UGT2B4: variants seen among roughly 807,000 people sequenced by gnomAD.
UGT2B4 encodes the protein UDP glucuronosyltransferase family 2 member B4, also known as UDP-glucuronosyltransferase 2B4.
In UGT2B4, 49 loss-of-function variants were observed where a neutral mutation model predicts 49.8. That is an observed-to-expected ratio of 0.98 (90% CI 0.78 to 1.25). The LOEUF (loss-of-function observed/expected upper bound fraction) is 1.25, where lower values mean the gene tolerates loss of function less well. UGT2B4 is among the 50% of genes most tolerant of loss of function. UGT2B4 has a pLI of 0.00. For synonymous variants in UGT2B4, 246 were observed against 217.7 expected (o/e 1.13, Z -1.14); for missense variants, 729 against 627.7 (o/e 1.16, Z -1.73).
intron 1 of UGT2B4, 28 bp from the exon 2 acceptor site, chr4:69,493,869 A>G: frequency 6.4e-7 from 1 of 1,570,440 alleles, no homozygotes. Context: ...AAGAAAAGAT[A>G]GATGACACAA....
In UGT2B4 at chr4:69,493,860, A is replaced by G; in HGVS notation, c.722-19T>C. 1 of 1,583,416 alleles carries G rather than the reference A, an allele frequency of 6.3e-7. No individual in the cohort carries two copies. The highest frequency in any genetic ancestry group is 8.5e-7 in the Non-Finnish European group (1 of 1,170,522). ...GGTCTTCCTGATGGGGGAAAAAAAA[A>G]GAAAAGATAGATGACACAAGATAAT... On this transcript the variant is annotated intron_variant, in intron 1 of 5. Coordinates refer to ENST00000305107, the MANE Select transcript of UGT2B4 (RefSeq NM_021139.3).
At chr4:69,496,397 A>G (rs564799937), upstream of UGT2B4, among the ~76,000 whole-genome samples, 3 of 152,302 alleles carry the variant, frequency 2.0e-5, no homozygotes, top group South Asian at 4.1e-4. Context: ...CTCATGTAAT[A>G]TATTTCAGAA....
chr4:69,483,765 C>A (rs1447428066), intron 5 of UGT2B4, among the ~76,000 whole-genome samples: 3 of 151,948 alleles, frequency 2.0e-5, no homozygotes, highest in Admixed American at 2.0e-4. Flanking sequence ...TTGCGCATTG[C>A]TTTCTTTGGA....
At chr4:69,497,005 T>C (rs748521997), upstream of UGT2B4, among the ~76,000 whole-genome samples, 4 of 152,072 alleles carry the variant, frequency 2.6e-5, no homozygotes, top group Non-Finnish European at 5.9e-5. Flanking sequence ...AATTATTACA[T>C]TAGCTTGCTC....
chr4:69,514,088 A>G (rs1728673021), intron 1 of UGT2B4, among the ~76,000 whole-genome samples: 1 of 151,928 alleles, frequency 6.6e-6, no homozygotes, highest in South Asian at 2.1e-4. Flanking sequence ...AAAATTTTGC[A>G]TATGCTTTTT....
Position 69,505,933 on chromosome 4 carries a change from T to C in UGT2B4, c.-105-9967A>G, listed in dbSNP as rs1176882533. Among the ~76,000 whole-genome samples the C allele has an allele frequency of 3.3e-5, 5 of 151,930 alleles. No homozygotes were observed. In the East Asian group the frequency reaches 9.6e-4, roughly 29 times the overall value. On this transcript the variant is annotated intron_variant, in intron 1 of 1. Coordinates refer to the UGT2B4 transcript ENST00000510114. ...ATTTACTCAAAACCATACAATTACA[T>C]TGAACGACTTTTGGGCAAATAATGA...
upstream of UGT2B4, among the ~76,000 whole-genome samples, chr4:69,498,822 G>C (rs1374047988): frequency 6.6e-6 from 1 of 151,822 alleles, no homozygotes; most frequent in Non-Finnish European, 1.5e-5. Context: ...ACAGCTCCTG[G>C]ATTTGTTGAT....
chr4:69,499,803 G>C (rs1437391835), upstream of UGT2B4, among the ~76,000 whole-genome samples: 1 of 152,124 alleles, frequency 6.6e-6, no homozygotes, highest in Admixed American at 6.5e-5. Context: ...GATGGGTCCT[G>C]ACTCTTTATC....
upstream of UGT2B4, among the ~76,000 whole-genome samples, chr4:69,500,621 GAAAGA>G (rs1459822933): frequency 1.4e-4 from 18 of 124,242 alleles, no homozygotes; most frequent in African/African-American, 4.7e-4. Context: ...AAGAAAGAAA[GAAAGA>G]AAGAAAGAAA....
rs900751253 is a variant in UGT2B4 at position 69,485,347 on chromosome 4, C to T, written c.1171G>A (p.Val391Met). ...TGATCTGCAAACAATGGAACGCCCA[C>T]CATAGGGATTCCATGGTAGATTGCC... is the stretch of plus-strand genomic sequence containing the variant. ...YEAIYHGIPM[V>M]GVPLFADQPD... The change falls in exon 5 of 6, where the codon GTG (valine) becomes ATG (methionine). Residue 391 changes from valine to methionine, a missense_variant. By Grantham distance (21) the Val-to-Met change is conservative. Transcript: ENST00000305107. 8 of 1,614,006 alleles carry T rather than the reference C, an allele frequency of 5.0e-6. No individual in the cohort carries two copies. Among genetic ancestry groups the T allele is most frequent in the Non-Finnish European group, 6.8e-6 (8 of 1,179,928 alleles).
intron 5 of UGT2B4, among the ~76,000 whole-genome samples, chr4:69,482,538 C>T (rs945019353): frequency 6.6e-6 from 1 of 152,126 alleles, no homozygotes; most frequent in African/African-American, 2.4e-5. Flanking sequence ...AAGTATTAAC[C>T]TGACTTCAAA....
At position 69,480,839 on chromosome 4, in the gene UGT2B4, A is replaced by C; in HGVS notation, c.1382T>G (p.Val461Gly). Residue 461 changes from valine (V) to glycine (G), a missense_variant, in exon 6 of 6, where the codon GTC becomes GGC. Coordinates refer to ENST00000305107, the MANE Select transcript of UGT2B4 (RefSeq NM_021139.3). ...GCGCATGACAAATTCAATCCAGAAG[A>C]CTGCTCGATCAAGGGGCTTCACTGG... ...DQPVKPLDRA[V>G]FWIEFVMRHK... 1 of 1,613,904 alleles carries C rather than the reference A, an allele frequency of 6.2e-7. No individual in the cohort carries two copies. Among genetic ancestry groups the C allele is most frequent in the East Asian group, 2.2e-5 (1 of 44,864 alleles).
chr4:69,489,463 T>C lies in UGT2B4; in HGVS notation c.978A>G (p.Ser326=), dbSNP rs764556563. ...TSEERANVIA[S]ALAKIPQKVL... ...CCTTTTGTGGGATCTTGGCAAGGGCTGATGCAATTACATTGGCCCTTTCTT... is the reference window on the plus strand; with the variant it reads ...CCTTTTGTGGGATCTTGGCAAGGGCCGATGCAATTACATTGGCCCTTTCTT... Residue 326 remains serine (S), a synonymous_variant, in exon 3 of 6, where the codon TCA becomes TCG. Coordinates refer to ENST00000305107, the MANE Select transcript of UGT2B4 (RefSeq NM_021139.3). 2 of 1,611,584 alleles carry C rather than the reference T, an allele frequency of 1.2e-6. No individual in the cohort carries two copies. The highest frequency in any genetic ancestry group is 1.7e-6 in the Non-Finnish European group (2 of 1,178,450).
upstream of UGT2B4, among the ~76,000 whole-genome samples, chr4:69,496,194 T>G (rs149181064): frequency 1.3e-5 from 2 of 151,184 alleles, no homozygotes; most frequent in African/African-American, 4.9e-5. Context: ...CCAGCTAATT[T>G]TTCTGTATTT....
chr4:69,486,375 A>G (rs1241057359), intron 4 of UGT2B4, among the ~76,000 whole-genome samples: 2 of 152,192 alleles, frequency 1.3e-5, no homozygotes, highest in East Asian at 3.8e-4. Flanking sequence ...TGTGGGAGGT[A>G]ATAACACCTG....
intron 1 of UGT2B4, among the ~76,000 whole-genome samples, chr4:69,523,463 G>A (rs753665764): frequency 1.3e-5 from 2 of 152,060 alleles, no homozygotes; most frequent in Non-Finnish European, 2.9e-5. Context: ...GTCATTGAGA[G>A]GTAAAATTTT....
chr4:69,489,620 A>G (rs761168799), intron 2 of UGT2B4, 50 bp from the exon 3 acceptor site: 1 of 1,562,566 alleles, frequency 6.4e-7, no homozygotes, highest in Non-Finnish European at 8.6e-7. Flanking sequence ...CAGCACAGCA[A>G]GCACTGTGAA....
chr4:69,525,684 T>C lies in UGT2B4; in HGVS notation c.-106+3A>G, dbSNP rs1298160070. 4 of 1,278,064 alleles carry C rather than the reference T, an allele frequency of 3.1e-6. No homozygotes were observed. The Admixed American group carries it at 9.4e-5, about 30-fold the overall frequency. The allele number at this position is 1,278,064 out of a possible 1,614,324, so 79.2% of individuals were successfully genotyped here. ...CATTCAATGCACAATTTATAGCACT[T>C]ACCTAATCCATTCGTTGATGAGACA... On this transcript the variant is annotated splice_donor_region_variant and intron_variant, in intron 1 of 1. Transcript: ENST00000510114.
At chr4:69,516,294 C>T (rs1368734219) in intron 1 of UGT2B4, among the ~76,000 whole-genome samples, 2 of 152,182 alleles carry the variant, frequency 1.3e-5, no homozygotes, top group Non-Finnish European at 2.9e-5. Context: ...AGTGAACATA[C>T]ATATGCATGT....
Sources: gnomAD v4.1 joint callset for allele counts (sites outside exome capture counted in the v4.1 genomes callset) on GRCh38, gnomAD v4.1.1 for gene constraint, MANE v1.5 for transcripts, NCBI Gene and HGNC (gene_info 2026-07-23, HGNC 2026-07-21) for gene names.